EPHA6: variants seen among roughly 807,000 people sequenced by gnomAD.
EPHA6 encodes the protein ephrin type-A receptor 6.
EPHA6 carries 50 observed loss-of-function variants against 112.0 expected under a neutral mutation model. That is an observed-to-expected ratio of 0.45 (90% CI 0.36 to 0.56). EPHA6 has a LOEUF of 0.56. Among genes scored for constraint, EPHA6 ranks in the 20% least tolerant of loss-of-function variants. The pLI, the probability that EPHA6 is intolerant of heterozygous loss-of-function variation, is 0.00. For synonymous variants in EPHA6, 529 were observed against 490.7 expected (o/e 1.08, Z -1.03); for missense variants, 1,280 against 1,417.4 (o/e 0.90, Z 1.56).
chr3:97,343,603 G>A (rs796825804), intron 5 of EPHA6, among the ~76,000 whole-genome samples: 24 of 152,172 alleles, frequency 1.6e-4, no homozygotes, highest in African/African-American at 5.3e-4. Context: ...GACTTAATTG[G>A]CCATCTCACC....
chr3:97,640,360 T>G (rs2093990267), intron 14 of EPHA6, among the ~76,000 whole-genome samples: 1 of 152,152 alleles, frequency 6.6e-6, no homozygotes, highest in Admixed American at 6.5e-5. Context: ...GGAATAAATG[T>G]AAAGGTACCT....
intron 1 of EPHA6, among the ~76,000 whole-genome samples, chr3:96,854,370 A>G (rs72931392): frequency 0.18 from 27,727 of 151,538 alleles, 4,144 homozygotes; most frequent in African/African-American, 0.37. Flanking sequence ...AGTAAAGTCG[A>G]GATTTCACCA....
At chr3:97,398,077 A>G (rs2086791399) in intron 5 of EPHA6, among the ~76,000 whole-genome samples, 1 of 151,514 alleles carries the variant, frequency 6.6e-6, no homozygotes, top group South Asian at 2.1e-4. Flanking sequence ...AATTGGAAAT[A>G]GAAAAATAGT....
At chr3:96,976,020 CAG>C (rs1363466344) in intron 2 of EPHA6, among the ~76,000 whole-genome samples, 1 of 152,090 alleles carries the variant, frequency 6.6e-6, no homozygotes, top group East Asian at 1.9e-4. Context: ...TAGCACCTGA[CAG>C]AAGTGCAAAA....
At chr3:97,202,461 A>G (rs1240050668) in intron 3 of EPHA6, among the ~76,000 whole-genome samples, 1 of 151,346 alleles carries the variant, frequency 6.6e-6, no homozygotes, top group African/African-American at 2.4e-5. Flanking sequence ...TCTCCATGGT[A>G]CCTGAGATTA....
chr3:97,215,541 G>T (rs1390434386), intron 3 of EPHA6, among the ~76,000 whole-genome samples: 2 of 151,716 alleles, frequency 1.3e-5, no homozygotes, highest in African/African-American at 2.4e-5. Context: ...AACCCGGGAG[G>T]CGGAGGTTGC....
At chr3:97,279,745 T>C (rs2108659661) in intron 5 of EPHA6, among the ~76,000 whole-genome samples, 1 of 152,336 alleles carries the variant, frequency 6.6e-6, no homozygotes, top group East Asian at 1.9e-4. Flanking sequence ...CATTTTCACT[T>C]CCAAATTTTC....
At chr3:97,534,039 A>G (rs573255553) in intron 11 of EPHA6, among the ~76,000 whole-genome samples, 68 of 152,276 alleles carry the variant, frequency 4.5e-4, no homozygotes, top group African/African-American at 1.5e-3. Flanking sequence ...TTTGTTGCAC[A>G]GCAATAGATA....
chr3:97,013,349 TA>T (rs535562826), intron 3 of EPHA6, among the ~76,000 whole-genome samples: 21 of 151,500 alleles, frequency 1.4e-4, no homozygotes, highest in South Asian at 8.4e-4. Context: ...TTAGAAATGA[TA>T]AAAAAAAAGA....
At chr3:96,997,868 A>G (rs1329612803) in intron 3 of EPHA6, among the ~76,000 whole-genome samples, 1 of 152,024 alleles carries the variant, frequency 6.6e-6, no homozygotes, top group East Asian at 1.9e-4. Context: ...CAAGGTTGCC[A>G]CAAACCTTCT....
chr3:96,946,417 A>G (rs775385028), intron 2 of EPHA6, among the ~76,000 whole-genome samples: 5 of 151,874 alleles, frequency 3.3e-5, no homozygotes, highest in Non-Finnish European at 7.4e-5. Flanking sequence ...GAGTGAGAAC[A>G]TGCGGTGTTT....
chr3:97,437,283 C>T (rs762518245), intron 6 of EPHA6, among the ~76,000 whole-genome samples: 3 of 152,036 alleles, frequency 2.0e-5, no homozygotes, highest in Non-Finnish European at 2.9e-5. Context: ...ATTTCCCCCA[C>T]TTTTGTTGTT....
At chr3:97,363,793 A>G (rs1159367543) in intron 5 of EPHA6, among the ~76,000 whole-genome samples, 1 of 152,158 alleles carries the variant, frequency 6.6e-6, no homozygotes, top group Admixed American at 6.6e-5. Flanking sequence ...CAAAGGTGGT[A>G]TACACATACA....
intron 5 of EPHA6, among the ~76,000 whole-genome samples, chr3:97,367,599 A>G: frequency 6.6e-6 from 1 of 151,346 alleles, no homozygotes; most frequent in Non-Finnish European, 1.5e-5. Context: ...TTCTGTTTCT[A>G]GCTTGGAATA....
chr3:97,556,471 T>C (rs2093111562), intron 11 of EPHA6, among the ~76,000 whole-genome samples: 1 of 152,034 alleles, frequency 6.6e-6, no homozygotes, highest in Non-Finnish European at 1.5e-5. Context: ...CTTCTTCACA[T>C]GGCACAGCAA....
At chr3:97,039,334 A>G (rs975755154) in intron 3 of EPHA6, among the ~76,000 whole-genome samples, 3 of 152,096 alleles carry the variant, frequency 2.0e-5, no homozygotes, top group Non-Finnish European at 4.4e-5. Context: ...ATGCTGCAAA[A>G]AATGTGAGTT....
intron 3 of EPHA6, among the ~76,000 whole-genome samples, chr3:97,192,316 A>G (rs922557166): frequency 2.6e-5 from 4 of 151,966 alleles, no homozygotes; most frequent in African/African-American, 7.2e-5. Flanking sequence ...TTTGTTTAGT[A>G]GAGATGGGGT....
chr3:97,515,351 T>C (rs1435784567), intron 10 of EPHA6, among the ~76,000 whole-genome samples: 1 of 152,228 alleles, frequency 6.6e-6, no homozygotes, highest in Admixed American at 6.5e-5. Flanking sequence ...TATGTGCCTT[T>C]ACTTCCTATC....
intron 11 of EPHA6, among the ~76,000 whole-genome samples, chr3:97,574,694 T>A (rs896243967): frequency 3.9e-5 from 6 of 152,146 alleles, no homozygotes; most frequent in African/African-American, 1.4e-4. Flanking sequence ...TTAAAGACCC[T>A]ACTATGTAAA....
Sources: allele counts gnomAD v4.1 joint callset (sites outside exome capture counted in the v4.1 genomes callset), GRCh38; gene constraint gnomAD v4.1.1; transcripts MANE v1.5; gene names NCBI Gene and HGNC (gene_info 2026-07-23, HGNC 2026-07-21).